The following VWA5B1 variants were observed in gnomAD, a reference collection of about 807,000 sequenced individuals.
VWA5B1 encodes von Willebrand factor A domain-containing protein 5B1.
VWA5B1 carries 115 observed loss-of-function variants against 118.2 expected under a neutral mutation model. That is an observed-to-expected ratio of 0.97 (90% confidence interval 0.84 to 1.14). The LOEUF is 1.14. VWA5B1 is among the 50% of genes most tolerant of loss of function. The probability of loss-of-function intolerance (pLI) is 0.00; values close to 1 mark genes in which losing one functional copy is unlikely to be tolerated. For missense variants in VWA5B1, 1,596 were observed against 1,603.8 expected, an observed-to-expected ratio of 1.00 and a Z score of 0.08; for synonymous variants, 682 against 658.4, an observed-to-expected ratio of 1.04 and a Z score of -0.55.
intron 12 of VWA5B1, among the ~76,000 whole-genome samples, chr1:20,334,609 G>C (rs1440918598): frequency 1.3e-5 from 2 of 151,702 alleles, no homozygotes; most frequent in African/African-American, 4.8e-5. Flanking sequence ...TCAAGAGTTC[G>C]AGACCAGCCT....
chr1:20,358,574 T>G lies in VWA5B1; in HGVS notation c.*4311T>G, dbSNP rs889975001. On this transcript the variant is annotated 3_prime_UTR_variant, in exon 22 of 22. Transcript: ENST00000289815. ...AGCACCTATCATTCAGGGGTCCAAA[T>G]GCCCAAATGCACATCTCTCTATGTG... 2.4e-4 allele frequency among the ~76,000 whole-genome samples: 37 copies of G among 152,012 alleles called. No individual in the cohort carries two copies. The highest frequency in any genetic ancestry group is 8.0e-4 in the African/African-American group (33 of 41,400).
At position 20,314,584 on chromosome 1, in the gene VWA5B1, G is replaced by A; in HGVS notation, c.555G>A (p.Gln185=). The change falls in exon 4 of 22, where the codon CAG becomes CAA. Residue 185 remains glutamine, a synonymous_variant. Transcript: ENST00000289815. The part of the protein sequence containing the change: ...CTKSTGTSNQ[Q]AQGKDRHCFG... The stretch of plus-strand genomic sequence containing the variant: ...AGAGCACTGGCACCTCCAACCAACA[G>A]GCCCAGGGGTAAGGAAGCCCTGCCC... The A allele has an allele frequency of 6.4e-7, 1 of 1,551,294 alleles. No individual in the cohort carries two copies. The highest frequency in any genetic ancestry group is 8.7e-7 in the Non-Finnish European group (1 of 1,146,900).
At chr1:20,348,847 C>A (rs943654351) in intron 18 of VWA5B1, among the ~76,000 whole-genome samples, 1 of 152,224 alleles carries the variant, frequency 6.6e-6, no homozygotes, top group African/African-American at 2.4e-5. Flanking sequence ...CCTTGAAGAG[C>A]TGGGATTTGA....
chr1:20,316,142 A>G (rs573205675), intron 4 of VWA5B1, among the ~76,000 whole-genome samples: 2 of 152,352 alleles, frequency 1.3e-5, no homozygotes, highest in East Asian at 1.9e-4. Flanking sequence ...GATGATGCCA[A>G]GTATTAGTGA....
intron 1 of VWA5B1, among the ~76,000 whole-genome samples, chr1:20,293,433 C>G (rs2088349386): frequency 6.6e-6 from 1 of 152,252 alleles, no homozygotes; most frequent in Non-Finnish European, 1.5e-5. Context: ...CTCCAGGCCA[C>G]TGGCCTGGGC....
At chr1:20,310,880 ATT>A (rs1484929637) in intron 2 of VWA5B1, 140 bp downstream of exon 2, 47 of 1,265,570 alleles carry the variant, frequency 3.7e-5, no homozygotes, top group Non-Finnish European at 4.5e-5. Flanking sequence ...AAATGGTGAG[ATT>A]CTTTCTGCTT....
chr1:20,317,637 A>T lies in VWA5B1; in HGVS notation c.671A>T (p.Asn224Ile), dbSNP rs149093015. Residue 224 changes from asparagine to isoleucine, a missense_variant, in exon 5 of 22, where the codon AAC (asparagine) becomes ATC (isoleucine). By Grantham distance (149) the Asn-to-Ile change is moderately radical. Transcript: ENST00000289815. ...EVSNPMEYEF[N>I]FQLEIRGPCL... ...TCCAACCCCATGGAGTATGAGTTCA[A>T]CTTCCAGCTGGAGATCCGTGGGCCA... The T allele has an allele frequency of 6.4e-7, 1 of 1,551,548 alleles. No homozygotes were observed. The highest frequency in any genetic ancestry group is 8.7e-7 in the Non-Finnish European group (1 of 1,146,922).
At chr1:20,308,796 G>A (rs1331740966) in intron 1 of VWA5B1, among the ~76,000 whole-genome samples, 2 of 152,200 alleles carry the variant, frequency 1.3e-5, no homozygotes, top group Non-Finnish European at 2.9e-5. Flanking sequence ...GTGTCGGGGA[G>A]CACCTGAGGA....
chr1:20,319,451 A>G lies in VWA5B1; in HGVS notation c.911A>G (p.Lys304Arg). 1.3e-6 allele frequency: 2 copies of G among 1,551,806 alleles called. No individual in the cohort carries two copies. Among genetic ancestry groups the G allele is most frequent in the South Asian group, 1.2e-5 (1 of 84,060 alleles). Reference sequence around the variant, plus strand: ...CTGGGAGAGTTTGACCAGCACTTGAAGGGAAGAACAGATTTCATTAAAGGG... The same window carrying G: ...CTGGGAGAGTTTGACCAGCACTTGAGGGGAAGAACAGATTTCATTAAAGGG... ...MTLGEFDQHL[K>R]GRTDFIKGMK... The change falls in exon 7 of 22, where the codon AAG becomes AGG. Residue 304 changes from lysine (K) to arginine (R), a missense_variant. By Grantham distance (26) the Lys-to-Arg change is conservative (BLOSUM62 2). Coordinates refer to ENST00000289815, the MANE Select transcript of VWA5B1 (RefSeq NM_001039500.3).
chr1:20,336,349 G>C lies in VWA5B1; in HGVS notation c.1805G>C (p.Ser602Thr). 6.6e-7 allele frequency: 1 copy of C among 1,523,878 alleles called. No homozygotes were observed. Among genetic ancestry groups the C allele is most frequent in the South Asian group, 1.3e-5 (1 of 77,088 alleles). The allele number at this position is 1,523,878 out of a possible 1,614,324, so 94.4% of individuals were successfully genotyped here. Residue 602 changes from serine to threonine, a missense_variant, in exon 13 of 22, where the codon AGC (serine) becomes ACC (threonine). Ser to Thr is a moderately conservative substitution (Grantham distance 58). Transcript: ENST00000289815. ...ATGCTGCACTCTCAGGAGTCTGGCA[G>C]CTCTGTCTTCTACCACTCTCAGGAT... ...YSMLHSQESG[S>T]SVFYHSQDDG...
intron 13 of VWA5B1, 60 bp downstream of exon 13, chr1:20,336,546 C>T: frequency 7.8e-7 from 1 of 1,287,798 alleles, no homozygotes; most frequent in Non-Finnish European, 9.9e-7. Flanking sequence ...GTGCTAAGCA[C>T]TTGGTAAAAA....
chr1:20,345,759 C>T (rs1002947293), intron 17 of VWA5B1, among the ~76,000 whole-genome samples, 166 bp downstream of exon 17: 3 of 152,194 alleles, frequency 2.0e-5, no homozygotes, highest in Admixed American at 1.3e-4. Context: ...AGGGGGTGGG[C>T]GCCCCTGGGG....
chr1:20,327,855 T>G, intron 8 of VWA5B1, 35 bp from the exon 9 acceptor site: 1 of 1,528,664 alleles, frequency 6.5e-7, no homozygotes, highest in African/African-American at 1.4e-5. Flanking sequence ...AAGAACTCCT[T>G]CCTGAATCCT....
rs529976605 is a variant in VWA5B1, at chr1:20,342,664, G to C, written c.2311+55G>C. On this transcript the variant is annotated intron_variant, in intron 15 of 21. Transcript: ENST00000289815. ...TGGGGACAGGGAGGAATCACTGGCT[G>C]TTGTTCAACTTCAGATGACAGGCCC... The C allele has an allele frequency of 1.7e-5, 25 of 1,439,214 alleles. No individual in the cohort carries two copies. The African/African-American group carries it at 3.3e-4, about 19-fold the overall frequency. The allele number at this position is 1,439,214 out of a possible 1,614,324, so 89.2% of individuals were successfully genotyped here.
At chr1:20,292,683 G>A (rs1027856969) in intron 1 of VWA5B1, among the ~76,000 whole-genome samples, 1 of 152,328 alleles carries the variant, frequency 6.6e-6, no homozygotes, top group African/African-American at 2.4e-5. Context: ...AGAATTGTGA[G>A]TTGAACTTGA....
At chr1:20,328,138 C>CCGGG in intron 9 of VWA5B1, 138 bp downstream of exon 9, 3 of 758,368 alleles carry the variant, frequency 4.0e-6, no homozygotes, top group Non-Finnish European at 6.5e-6. Flanking sequence ...CAGATCACAC[C>CCGGG]CGGGGGCAGA....
Position 20,313,222 on chromosome 1 carries a change from CA to C in VWA5B1, c.292+238del, listed in dbSNP as rs2088903080. Among the ~76,000 whole-genome samples the C allele has an allele frequency of 2.6e-5, 4 of 152,316 alleles. No homozygotes were observed. In the East Asian group the frequency reaches 5.8e-4, roughly 22 times the overall value. On this transcript the variant is annotated intron_variant, in intron 3 of 21. Transcript: ENST00000289815. The stretch of plus-strand genomic sequence containing the variant: ...GGTAATTGACTTTCTGTAGTCACCT[CA>C]AAAGTGTGAGGCTCAAAGGAAGGGA...
At chr1:20,328,130 G>A (rs2089442837) in intron 9 of VWA5B1, 130 bp downstream of exon 9, 4 of 809,626 alleles carry the variant, frequency 4.9e-6, no homozygotes, top group African/African-American at 3.4e-5. Flanking sequence ...AGAGAACCCA[G>A]ATCACACCCG....
At chr1:20,347,824 AG>A (rs201764805) in intron 17 of VWA5B1, among the ~76,000 whole-genome samples, 2,072 of 152,090 alleles carry the variant, frequency 0.014, 48 homozygotes, top group African/African-American at 0.047. Flanking sequence ...CTGGGATTTC[AG>A]GGGCCTGCCC....
Sources: gnomAD v4.1 joint callset for allele counts (sites outside exome capture counted in the v4.1 genomes callset) on GRCh38, gnomAD v4.1.1 for gene constraint, MANE v1.5 for transcripts, NCBI Gene and HGNC (gene_info 2026-07-23, HGNC 2026-07-21) for gene names.